Variants in NPAS3 observed in about 807,000 individuals in gnomAD.
The protein encoded by NPAS3 is neuronal PAS domain protein 3.
NPAS3 carries 14 observed loss-of-function variants against 73.1 expected under a neutral mutation model. That is an observed-to-expected ratio of 0.19 (90% CI 0.13 to 0.30). The LOEUF is 0.30. Among genes scored for constraint, NPAS3 ranks in the 10% least tolerant of loss-of-function variants. The pLI, the probability that NPAS3 is intolerant of heterozygous loss-of-function variation, is 1.00. For synonymous variants in NPAS3, 620 were observed against 541.5 expected (o/e 1.14, Z -2.01); for missense variants, 1,096 against 1,250.0 (o/e 0.88, Z 1.86).
chr14:33,348,743 A>G (rs1490364984), intron 3 of NPAS3, among the ~76,000 whole-genome samples: 1 of 127,938 alleles, frequency 7.8e-6, no homozygotes, highest in South Asian at 2.3e-4. Context: ...TCCCGTTCAC[A>G]TCTGTGCAGT....
chr14:33,660,363 T>C (rs556689775), intron 5 of NPAS3, among the ~76,000 whole-genome samples: 1 of 152,306 alleles, frequency 6.6e-6, no homozygotes, highest in Admixed American at 6.5e-5. Flanking sequence ...AAACTGTTAT[T>C]CCTGAGGCTT....
At chr14:33,411,963 T>C (rs942165445) in intron 4 of NPAS3, among the ~76,000 whole-genome samples, 1 of 152,262 alleles carries the variant, frequency 6.6e-6, no homozygotes, top group South Asian at 2.1e-4. Flanking sequence ...TTATTTCCCA[T>C]TTTAGATATT....
chr14:33,042,825 A>G (rs1175092359), intron 1 of NPAS3, among the ~76,000 whole-genome samples: 2 of 152,170 alleles, frequency 1.3e-5, no homozygotes, highest in Non-Finnish European at 2.9e-5. Flanking sequence ...TTATTTAGAG[A>G]CAGTTAAGTA....
intron 7 of NPAS3, among the ~76,000 whole-genome samples, chr14:33,763,060 T>C (rs911131810): frequency 5.9e-5 from 9 of 152,194 alleles, no homozygotes; most frequent in African/African-American, 2.4e-5. Context: ...TGCCACTAAC[T>C]GGCCCTGCAT....
chr14:33,613,883 T>C lies in NPAS3; in HGVS notation c.558+53673T>C, dbSNP rs1421155069. On this transcript the variant is annotated intron_variant, in intron 5 of 11. Coordinates refer to ENST00000356141, the Ensembl canonical transcript of NPAS3. Reference sequence around the variant, plus strand: ...TATATTTTCATGTTGGCATTTTCCTTCTCCCCCCTCTTATAGGGTAATTAC... The same window carrying C: ...TATATTTTCATGTTGGCATTTTCCTCCTCCCCCCTCTTATAGGGTAATTAC... 1.1e-4 allele frequency among the ~76,000 whole-genome samples: 16 copies of C among 151,972 alleles called. No individual in the cohort carries two copies. The East Asian group carries it at 2.0e-3, about 19-fold the overall frequency.
intron 4 of NPAS3, among the ~76,000 whole-genome samples, chr14:33,445,838 A>G (rs1002895715): frequency 4.6e-5 from 7 of 152,064 alleles, no homozygotes; most frequent in Non-Finnish European, 1.5e-5. Flanking sequence ...GGAGACAGTC[A>G]CCAGCTGACC....
At chr14:33,739,848 C>A (rs921344116) in intron 7 of NPAS3, among the ~76,000 whole-genome samples, 2 of 152,150 alleles carry the variant, frequency 1.3e-5, no homozygotes, top group African/African-American at 4.8e-5. Context: ...CTCCTCATTT[C>A]TCCCTCCCAT....
intron 1 of NPAS3, among the ~76,000 whole-genome samples, chr14:32,939,920 G>A (rs1364649133): frequency 6.6e-6 from 1 of 152,042 alleles, no homozygotes; most frequent in Non-Finnish European, 1.5e-5. Context: ...CTCCGTCTCC[G>A]CGCGAGCAGC....
At chr14:33,541,948 A>G (rs2054540110) in intron 4 of NPAS3, among the ~76,000 whole-genome samples, 1 of 152,132 alleles carries the variant, frequency 6.6e-6, no homozygotes, top group African/African-American at 2.4e-5. Context: ...TAACAGCATT[A>G]TAGACATCTC....
chr14:33,437,184 T>C (rs1415372727), intron 4 of NPAS3, among the ~76,000 whole-genome samples: 1 of 152,244 alleles, frequency 6.6e-6, no homozygotes, highest in African/African-American at 2.4e-5. Context: ...TTCAAAGCTA[T>C]ATAAGAAGGT....
chr14:33,429,245 G>T (rs1030231018), intron 4 of NPAS3, among the ~76,000 whole-genome samples: 1 of 152,112 alleles, frequency 6.6e-6, no homozygotes, highest in Non-Finnish European at 1.5e-5. Flanking sequence ...ATGTTTCCAG[G>T]TTCCAGCAAG....
At chr14:32,974,123 A>G (rs2037553770) in intron 1 of NPAS3, among the ~76,000 whole-genome samples, 1 of 152,240 alleles carries the variant, frequency 6.6e-6, no homozygotes, top group Non-Finnish European at 1.5e-5. Context: ...AGAACCTTCC[A>G]GAGGTCATTT....
At chr14:33,324,455 G>A (rs114322208) in intron 3 of NPAS3, among the ~76,000 whole-genome samples, 290 of 152,288 alleles carry the variant, frequency 1.9e-3, no homozygotes, top group African/African-American at 6.7e-3. Flanking sequence ...TGCTTCTAGT[G>A]TGATTATCGG....
At position 32,961,210 on chromosome 14, in the gene NPAS3, G is replaced by A. The variant is rs565657859; in HGVS notation, c.50+21844G>A. Among the ~76,000 whole-genome samples, 325 of 152,010 alleles carry A rather than the reference G, an allele frequency of 2.1e-3. 1 individual carries two copies. The highest frequency in any genetic ancestry group is 4.0e-3 in the Non-Finnish European group (271 of 67,974). On this transcript the variant is annotated intron_variant, in intron 1 of 11. Coordinates refer to ENST00000356141, the Ensembl canonical transcript of NPAS3. ...GGGCGGATCACGAGGTCAGGAGGTC[G>A]AGACCATCCTGGCCAACATGGTGAA...
At chr14:33,142,888 G>A (rs1422600679) in intron 2 of NPAS3, among the ~76,000 whole-genome samples, 3 of 152,068 alleles carry the variant, frequency 2.0e-5, no homozygotes, top group Non-Finnish European at 4.4e-5. Flanking sequence ...GATCACCTGA[G>A]GTCAGGAGTT....
intron 3 of NPAS3, among the ~76,000 whole-genome samples, chr14:33,313,004 A>G (rs552779427): frequency 1.3e-5 from 2 of 152,020 alleles, no homozygotes; most frequent in African/African-American, 4.8e-5. Context: ...GGAATTATGG[A>G]ACTTGCTTTT....
Position 33,690,699 on chromosome 14 carries a change from G to T in NPAS3, c.733+14314G>T, listed in dbSNP as rs28438789. ...AGTCATTTCAATTAAAAAGCATTTTGGAAGAAGGAGACGGGCATGTATACA... is the reference window on the plus strand; with the variant it reads ...AGTCATTTCAATTAAAAAGCATTTTTGAAGAAGGAGACGGGCATGTATACA... On this transcript the variant is annotated intron_variant, in intron 6 of 11. Coordinates refer to ENST00000356141, the Ensembl canonical transcript of NPAS3. Among the ~76,000 whole-genome samples, 1,463 of 152,130 alleles carry T rather than the reference G, an allele frequency of 9.6e-3. 23 individuals carry two copies. Among genetic ancestry groups the T allele is most frequent in the African/African-American group, 0.034 (1,394 of 41,500 alleles).
At chr14:33,072,835 T>G (rs1195508657) in intron 2 of NPAS3, among the ~76,000 whole-genome samples, 1 of 152,200 alleles carries the variant, frequency 6.6e-6, no homozygotes, top group Non-Finnish European at 1.5e-5. Flanking sequence ...TCTCTCTTTC[T>G]CTGGGACAGT....
intron 5 of NPAS3, among the ~76,000 whole-genome samples, chr14:33,579,491 A>G (rs1395307700): frequency 6.6e-6 from 1 of 152,202 alleles, no homozygotes; most frequent in African/African-American, 2.4e-5. Flanking sequence ...CTCTCTATAT[A>G]TTATAATGAA....
Sources: allele counts gnomAD v4.1 joint callset (sites outside exome capture counted in the v4.1 genomes callset), GRCh38; gene constraint gnomAD v4.1.1; transcripts MANE v1.5; gene names NCBI Gene and HGNC (gene_info 2026-07-23, HGNC 2026-07-21).